RELN: variants seen among roughly 807,000 people sequenced by gnomAD.
The protein encoded by RELN is reelin.
In RELN, 108 loss-of-function variants were observed where a neutral mutation model predicts 427.6. The ratio of observed to expected loss-of-function variants is 0.25; its 90% CI spans 0.22 to 0.30. The LOEUF (loss-of-function observed/expected upper bound fraction) is 0.30, where lower values mean the gene tolerates loss of function less well. Among genes scored for constraint, RELN ranks in the 10% least tolerant of loss-of-function variants. The pLI is 1.00. For synonymous variants in RELN, 1,524 were observed against 1,513.4 expected (o/e 1.01, Z -0.16); for missense variants, 3,715 against 4,302.8 (o/e 0.86, Z 3.82).
chr7:103,733,340 TG>T (rs1017985300), intron 6 of RELN, among the ~76,000 whole-genome samples: 1 of 148,678 alleles, frequency 6.7e-6, no homozygotes, highest in African/African-American at 2.5e-5. Flanking sequence ...ACACTGTAGG[TG>T]GGACTGTAAA....
intron 1 of RELN, among the ~76,000 whole-genome samples, chr7:103,987,911 G>A (rs906499701): frequency 2.6e-5 from 4 of 152,150 alleles, no homozygotes; most frequent in African/African-American, 9.7e-5. Flanking sequence ...TCTAGGAGAC[G>A]TTTATTTAGG....
chr7:103,676,482 C>CA (rs1208956533), intron 11 of RELN, among the ~76,000 whole-genome samples: 1 of 152,168 alleles, frequency 6.6e-6, no homozygotes, highest in Non-Finnish European at 1.5e-5. Flanking sequence ...GACAATGTGG[C>CA]AATTCCTCAA....
chr7:103,718,689 A>G (rs1440644483), intron 8 of RELN, among the ~76,000 whole-genome samples: 1 of 152,056 alleles, frequency 6.6e-6, no homozygotes, highest in African/African-American at 2.4e-5. Context: ...GTTACTTGTC[A>G]CTCAGGGAAG....
chr7:103,978,946 G>A (rs1222550939), intron 1 of RELN, among the ~76,000 whole-genome samples: 1 of 152,176 alleles, frequency 6.6e-6, no homozygotes, highest in Non-Finnish European at 1.5e-5. Context: ...ACTTAGCACA[G>A]CTCATCAGAG....
intron 2 of RELN, among the ~76,000 whole-genome samples, chr7:103,854,097 C>A (rs768004414): frequency 3.9e-5 from 6 of 152,076 alleles, no homozygotes; most frequent in Non-Finnish European, 7.4e-5. Context: ...CAAATATACA[C>A]AATTATTATG....
At chr7:103,654,304 C>T (rs1832982321) in intron 12 of RELN, 99 bp from the exon 13 acceptor site, 3 of 726,040 alleles carry the variant, frequency 4.1e-6, no homozygotes, top group Non-Finnish European at 5.0e-6. Context: ...ATTATAGTAC[C>T]CAGATGTCAC....
At chr7:103,520,954 GTTATTTT>G (rs1829687158) in intron 48 of RELN, among the ~76,000 whole-genome samples, 1 of 78,188 alleles carries the variant, frequency 1.3e-5, no homozygotes, top group African/African-American at 5.0e-5. Context: ...CAGTAAATTT[GTTATTTT>G]TTTTTTTTTT....
At chr7:103,731,123 A>G (rs570142723) in intron 6 of RELN, among the ~76,000 whole-genome samples, 2 of 152,256 alleles carry the variant, frequency 1.3e-5, no homozygotes, top group Non-Finnish European at 2.9e-5. Flanking sequence ...CTCTTCACTC[A>G]TAACAGGAGC....
rs1161421758 is a variant in RELN at position 103,472,200 on chromosome 7, T to C, written c.*612A>G. ...AAACAACGCTAAACCAACATACATTTTTAAGGAGTATATTAAAGGAGATAC... is the reference window on the plus strand; with the variant it reads ...AAACAACGCTAAACCAACATACATTCTTAAGGAGTATATTAAAGGAGATAC... On this transcript the variant is annotated 3_prime_UTR_variant, in exon 65 of 65. Transcript: ENST00000428762. The C allele has an allele frequency of 6.5e-6, 1 of 153,560 alleles. No individual in the cohort carries two copies. The highest frequency in any genetic ancestry group is 1.9e-4 in the East Asian group (1 of 5,220). 9.5% of individuals were successfully genotyped at this position (153,560 alleles called of 1,614,324 possible).
At chr7:103,912,492 AT>A (rs906949808) in intron 2 of RELN, among the ~76,000 whole-genome samples, 26 of 152,036 alleles carry the variant, frequency 1.7e-4, no homozygotes, top group African/African-American at 6.3e-4. Context: ...CCTTTTAAGC[AT>A]TTTTTAACTT....
Position 103,489,861 on chromosome 7 carries a change from G to C in RELN, c.9644C>G (p.Thr3215Ser). 1 of 1,614,168 alleles carries C rather than the reference G, an allele frequency of 6.2e-7. No individual in the cohort carries two copies. Among genetic ancestry groups the C allele is most frequent in the Non-Finnish European group, 8.5e-7 (1 of 1,180,032 alleles). ...GTCAATTGCCCAGCTTTGCTTCTCA[G>C]TTTCTTCTCCCTTCTGGATCCAGCG... ...QFRWIQKGEETEKQSWAIDHV... is the reference protein window; with the variant it reads ...QFRWIQKGEESEKQSWAIDHV... The change falls in exon 60 of 65, where the codon ACT (threonine) becomes AGT (serine). Residue 3215 changes from threonine (T) to serine (S), a missense_variant. By Grantham distance (58) the Thr-to-Ser change is moderately conservative. Around this residue, in one of 4 missense-constraint regions of RELN, gnomAD observed 1,310 missense variants for 1,643.0 expected, o/e 0.80. Transcript: ENST00000428762.
chr7:103,657,177 G>A (rs1833039416), intron 12 of RELN, among the ~76,000 whole-genome samples: 3 of 151,988 alleles, frequency 2.0e-5, no homozygotes, highest in Admixed American at 2.0e-4. Context: ...TCCTAATAAT[G>A]TTTACTGTTC....
chr7:103,845,206 T>TA (rs1433766679), intron 2 of RELN, among the ~76,000 whole-genome samples: 1 of 152,108 alleles, frequency 6.6e-6, no homozygotes, highest in Non-Finnish European at 1.5e-5. Flanking sequence ...CTCTTTTTTT[T>TA]ATTGTTGTTG....
At chr7:103,904,975 C>CTTTTTTTTTTTT (rs67024941) in intron 2 of RELN, among the ~76,000 whole-genome samples, 34 of 77,366 alleles carry the variant, frequency 4.4e-4, no homozygotes, top group East Asian at 1.8e-3. Context: ...AAGTTCTTTC[C>CTTTTTTTTTTTT]TTTTTTTTTT....
At chr7:103,617,458 C>G (rs1832106859) in intron 20 of RELN, among the ~76,000 whole-genome samples, 1 of 150,776 alleles carries the variant, frequency 6.6e-6, no homozygotes, top group Non-Finnish European at 1.5e-5. Flanking sequence ...AAGCCTAGTT[C>G]ATGATATTTT....
In RELN at chr7:103,599,092, C is replaced by T. The variant is rs148877485; in HGVS notation, c.3334-2431G>A. On this transcript the variant is annotated intron_variant, in intron 24 of 64. Transcript: ENST00000428762. ...CAGGTAAGGCTTTCAGAATCTAGAA[C>T]GTTTATAACAAAACCTCCAAAACAT... Among the ~76,000 whole-genome samples the T allele has an allele frequency of 7.8e-4, 119 of 152,266 alleles. No homozygotes were observed. In the South Asian group the frequency reaches 0.012, roughly 15 times the overall value.
chr7:103,811,661 G>A (rs1384268660), intron 3 of RELN, among the ~76,000 whole-genome samples: 1 of 152,104 alleles, frequency 6.6e-6, no homozygotes, highest in Non-Finnish European at 1.5e-5. Context: ...AACTACATAC[G>A]TACCAGATTG....
chr7:103,883,381 G>C (rs933442554), intron 2 of RELN, among the ~76,000 whole-genome samples: 8 of 152,234 alleles, frequency 5.3e-5, no homozygotes, highest in African/African-American at 1.9e-4. Context: ...GCAAGACAAG[G>C]ATGCCCTCTC....
chr7:103,558,093 C>T, intron 36 of RELN, 44 bp from the exon 37 acceptor site: 1 of 920,746 alleles, frequency 1.1e-6, no homozygotes, highest in Non-Finnish European at 1.8e-6. Context: ...TTTTCACTTG[C>T]AAAATTGTAT....
Sources: gnomAD v4.1 joint callset for allele counts (sites outside exome capture counted in the v4.1 genomes callset) on GRCh38, gnomAD v4.1.1 for gene constraint, gnomAD v4.1.1 regional missense constraint, MANE v1.5 for transcripts, NCBI Gene and HGNC (gene_info 2026-07-23, HGNC 2026-07-21) for gene names.